Variants in POP4 observed in about 807,000 individuals in gnomAD.
POP4 encodes POP4 ribonuclease P/MRP subunit.
In POP4, 31 loss-of-function variants were observed where a neutral mutation model predicts 29.9. The ratio of observed to expected loss-of-function variants is 1.04; its 90% CI spans 0.78 to 1.40. The LOEUF (loss-of-function observed/expected upper bound fraction) is 1.40. Ranked by LOEUF, POP4 falls within the 40% of genes most tolerant of loss-of-function variation. POP4 has a pLI of 0.00. For synonymous variants in POP4, 110 were observed against 108.2 expected, an observed-to-expected ratio of 1.02 and a Z score of -0.10; for missense variants, 286 against 282.7, an observed-to-expected ratio of 1.01 and a Z score of -0.08.
At chr19:29,607,131 C>T (rs1971007297) in intron 1 of POP4, among the ~76,000 whole-genome samples, 1 of 152,098 alleles carries the variant, frequency 6.6e-6, no homozygotes, top group Admixed American at 6.6e-5. Context: ...CATTGGTTTG[C>T]TTGATCAAAC....
intron 3 of POP4, chr19:29,611,538 T>TAAAAAA: frequency 7.6e-6 from 2 of 263,734 alleles, no homozygotes; most frequent in South Asian, 4.3e-5. Context: ...ACTGGGGGCT[T>TAAAAAA]ACTAGGTTCA....
At position 29,608,638 on chromosome 19, in the gene POP4, C is replaced by T; in HGVS notation, c.8-19C>T. On this transcript the variant is annotated intron_variant, in intron 1 of 6. Transcript: ENST00000585603. ...CATACCCAACAAGAATTGATCATTT[C>T]TTTTTTTTAATCCCCCAGGTGTGAT... 1.2e-6 allele frequency: 2 copies of T among 1,609,300 alleles called. No homozygotes were observed. Among genetic ancestry groups the T allele is most frequent in the Non-Finnish European group, 1.7e-6 (2 of 1,176,170 alleles).
intron 1 of POP4, 27 bp from the exon 2 acceptor site, chr19:29,608,630 G>A (rs1192265035): frequency 6.2e-7 from 1 of 1,608,158 alleles, no homozygotes; most frequent in South Asian, 1.1e-5. Flanking sequence ...AACAAGAATT[G>A]ATCATTTCTT....
Position 29,616,594 on chromosome 19 carries a change from C to T in POP4, c.*1214C>T. ...AAGTGGGAGCGCTGACTGCTGTGTG[C>T]CAGGAGAGTAGAAAGGCCCAGGTCT... On this transcript the variant is annotated 3_prime_UTR_variant, in exon 7 of 7. Transcript: ENST00000585603. 1 of 152,620 alleles carries T rather than the reference C, an allele frequency of 6.6e-6. No homozygotes were observed. The highest frequency in any genetic ancestry group is 1.5e-5 in the Non-Finnish European group (1 of 68,292). The allele number at this position is 152,620 out of a possible 1,614,324, so 9.5% of individuals were successfully genotyped here.
In POP4 at chr19:29,616,277, G is replaced by T. The variant is rs45496800; in HGVS notation, c.*897G>T. 0.03 allele frequency: 4,543 copies of T among 152,404 alleles called. 130 individuals carry two copies. Among genetic ancestry groups the T allele is most frequent in the South Asian group, 0.092 (443 of 4,832 alleles). The allele number at this position is 152,404 out of a possible 1,614,324, so 9.4% of individuals were successfully genotyped here. On this transcript the variant is annotated 3_prime_UTR_variant, in exon 7 of 7. Coordinates refer to ENST00000585603, the MANE Select transcript of POP4 (RefSeq NM_006627.3). Reference sequence around the variant, plus strand: ...GACCATGTGTCTGTAAAGCCAGTGGGTCAGGCCCTTCCATGCAGGGCCAGA... The same window carrying T: ...GACCATGTGTCTGTAAAGCCAGTGGTTCAGGCCCTTCCATGCAGGGCCAGA...
At chr19:29,609,308 T>C (rs967106377) in intron 2 of POP4, 3 of 152,496 alleles carry the variant, frequency 2.0e-5, no homozygotes, top group African/African-American at 7.2e-5. Flanking sequence ...GGTGCAAAGC[T>C]GAAGCAGAGT....
Position 29,609,930 on chromosome 19 carries a change from G to C in POP4, c.61-479G>C, listed in dbSNP as rs141396687. On this transcript the variant is annotated intron_variant, in intron 2 of 6. Coordinates refer to ENST00000585603, the MANE Select transcript of POP4 (RefSeq NM_006627.3). ...CACAGTGTCAGGGTCCCTGCGCCCTGAGGCTTGGCCGACCCTGGAGCCCTA... is the reference window on the plus strand; with the variant it reads ...CACAGTGTCAGGGTCCCTGCGCCCTCAGGCTTGGCCGACCCTGGAGCCCTA... Among the ~76,000 whole-genome samples the C allele has an allele frequency of 3.1e-3, 466 of 152,322 alleles. 2 individuals are homozygous for C. The highest frequency in any genetic ancestry group is 0.01 in the African/African-American group (432 of 41,566).
chr19:29,614,684 A>G (rs548734443), intron 6 of POP4, among the ~76,000 whole-genome samples: 4 of 152,020 alleles, frequency 2.6e-5, no homozygotes, highest in African/African-American at 7.2e-5. Context: ...TTGTATTTTT[A>G]GTAGAGGCAG....
In POP4 at chr19:29,612,137, C is replaced by T. The variant is rs553997230; in HGVS notation, c.383C>T (p.Ala128Val). 6.2e-7 allele frequency: 1 copy of T among 1,610,940 alleles called. No individual in the cohort carries two copies. Among genetic ancestry groups the T allele is most frequent in the East Asian group, 2.2e-5 (1 of 44,868 alleles). ...TGCAGGCAGCCACAGATGATTCAGG[C>T]CAAGCTCTTAAAGGCAGATCTTCAC... ...KPDTQPQMIQ[A>V]KLLKADLHGA... Residue 128 changes from alanine (A) to valine (V), a missense_variant, in exon 5 of 7, where the codon GCC (alanine) becomes GTC (valine). Ala to Val is a moderately conservative substitution (Grantham distance 64). Transcript: ENST00000585603.
At position 29,610,828 on chromosome 19, in the gene POP4, T is replaced by A. The variant is rs2145556986; in HGVS notation, c.284+196T>A. ...GGCGGGTGAGACAGGACTCATTGTC[T>A]GGCCTCTCTCCTCACCTTCAGGAGT... On this transcript the variant is annotated intron_variant, in intron 3 of 6. Coordinates refer to ENST00000585603, the MANE Select transcript of POP4 (RefSeq NM_006627.3). The A allele has an allele frequency of 8.3e-6, 5 of 599,166 alleles. No homozygotes were observed. In the East Asian group the frequency reaches 1.4e-4, roughly 17 times the overall value. The allele number at this position is 599,166 out of a possible 1,614,324, so 37.1% of individuals were successfully genotyped here. A position where few individuals can be genotyped will look rare whatever the true frequency, so the allele number is the denominator to read the frequency against.
chr19:29,608,597 T>A, intron 1 of POP4, 60 bp from the exon 2 acceptor site: 2 of 1,513,750 alleles, frequency 1.3e-6, no homozygotes, highest in South Asian at 1.1e-5. Flanking sequence ...GTTAGAAAAG[T>A]CTTGGGTCTT....
intron 1 of POP4, among the ~76,000 whole-genome samples, chr19:29,607,304 C>T (rs1004399984): frequency 6.6e-6 from 1 of 150,742 alleles, no homozygotes; most frequent in African/African-American, 2.4e-5. Context: ...AAGAATTAGC[C>T]AGGTGTGGTG....
In POP4 at chr19:29,615,229, T is replaced by G. The variant is rs776106150; in HGVS notation, c.527-15T>G. ...TCATCTTTTTTTCTCCTGCCTTTTT[T>G]TTTTTTTTTTTCAGTTATCCCCAAG... On this transcript the variant is annotated splice_polypyrimidine_tract_variant and intron_variant, in intron 6 of 6. Coordinates refer to ENST00000585603, the MANE Select transcript of POP4 (RefSeq NM_006627.3). 12 of 1,505,612 alleles carry G rather than the reference T, an allele frequency of 8.0e-6. No homozygotes were observed. In the East Asian group the frequency reaches 2.8e-4, roughly 35 times the overall value. The allele number at this position is 1,505,612 out of a possible 1,614,324, so 93.3% of individuals were successfully genotyped here.
At position 29,610,567 on chromosome 19, in the gene POP4, C is replaced by T. The variant is rs763101635; in HGVS notation, c.219C>T (p.Ala73=). ...AGCGCAAGGAGAAGAAGAAGAAAGC[C>T]AAAGGCCTCTCTGCCAGGCAAAGGA... ...RHKRKEKKKK[A]KGLSARQRRE... The change falls in exon 3 of 7, where the codon GCC becomes GCT. Residue 73 remains alanine (A), a synonymous_variant. Coordinates refer to ENST00000585603, the MANE Select transcript of POP4 (RefSeq NM_006627.3). The T allele has an allele frequency of 1.2e-6, 2 of 1,614,202 alleles. No homozygotes were observed. Among genetic ancestry groups the T allele is most frequent in the East Asian group, 2.2e-5 (1 of 44,890 alleles).
At chr19:29,612,660 A>T (rs1490208934) in intron 5 of POP4, among the ~76,000 whole-genome samples, 1 of 152,100 alleles carries the variant, frequency 6.6e-6, no homozygotes, top group Non-Finnish European at 1.5e-5. Flanking sequence ...ACATAGCCAA[A>T]GCTGCCACCG....
At chr19:29,607,016 C>T (rs546365112) in intron 1 of POP4, among the ~76,000 whole-genome samples, 13 of 152,284 alleles carry the variant, frequency 8.5e-5, no homozygotes, top group Non-Finnish European at 1.9e-4. Flanking sequence ...GCACCTGTAA[C>T]AGATGAAGCA....
intron 6 of POP4, among the ~76,000 whole-genome samples, chr19:29,614,315 A>T (rs1971106883): frequency 6.6e-6 from 1 of 152,240 alleles, no homozygotes; most frequent in Non-Finnish European, 1.5e-5. Context: ...CCAAACAGGC[A>T]GCAGGGTAGA....
Position 29,615,378 on chromosome 19 carries a change from TG to T in POP4, c.662del (p.Ter221=). The T allele has an allele frequency of 1.2e-6, 2 of 1,612,956 alleles. No homozygotes were observed. The highest frequency in any genetic ancestry group is 1.7e-6 in the Non-Finnish European group (2 of 1,179,612). On this transcript the variant is annotated frameshift_variant and stop_lost, in exon 7 of 7. Transcript: ENST00000585603. LOFTEE classifies it high-confidence loss of function. ...KFKAKGTIDL[*>X] ...CAAAGCGAAGGGAACGATTGACCTG[TG>T]AATTCTTTGCCGTCTAAGGCAGTTG...
At chr19:29,611,766 C>A in intron 3 of POP4, 96 bp from the exon 4 acceptor site, 1 of 978,280 alleles carries the variant, frequency 1.0e-6, no homozygotes. Flanking sequence ...TCCCAGGTTG[C>A]AGTTGTTGGC....
Sources: gnomAD v4.1 joint callset for allele counts (sites outside exome capture counted in the v4.1 genomes callset) on GRCh38, gnomAD v4.1.1 for gene constraint, MANE v1.5 for transcripts, NCBI Gene and HGNC (gene_info 2026-07-23, HGNC 2026-07-21) for gene names.